PRPF39: variants seen among roughly 807,000 people sequenced by gnomAD.
The protein encoded by PRPF39 is pre-mRNA-processing factor 39.
Under a neutral mutation model 82.1 loss-of-function variants are expected in PRPF39, and 27 were observed. The ratio of observed to expected loss-of-function variants is 0.33; its 90% CI spans 0.24 to 0.45. PRPF39 has a LOEUF of 0.45. Among genes scored for constraint, PRPF39 ranks in the 20% least tolerant of loss-of-function variants. PRPF39 has a pLI of 1.00. For missense variants in PRPF39, 581 were observed against 796.9 expected, an observed-to-expected ratio of 0.73 and a Z score of 3.26; for synonymous variants, 261 against 256.4, an observed-to-expected ratio of 1.02 and a Z score of -0.17.
intron 5 of PRPF39, among the ~76,000 whole-genome samples, chr14:45,103,434 A>C (rs1041060300): frequency 6.6e-6 from 1 of 152,018 alleles, no homozygotes; most frequent in African/African-American, 2.4e-5. Flanking sequence ...GTATTGTATA[A>C]ACTTAGTATT....
intron 13 of PRPF39, 106 bp from the exon 14 acceptor site, chr14:45,114,751 G>A: frequency 7.3e-7 from 1 of 1,374,990 alleles, no homozygotes; most frequent in Non-Finnish European, 1.0e-6. Flanking sequence ...AATTTTAGCA[G>A]TGAACACTTG....
intron 1 of PRPF39, among the ~76,000 whole-genome samples, chr14:45,085,706 A>G (rs1181263788): frequency 6.6e-6 from 1 of 152,154 alleles, no homozygotes; most frequent in Non-Finnish European, 1.5e-5. Flanking sequence ...GCCCTTAAAA[A>G]CAGCTGCCAA....
intron 1 of PRPF39, among the ~76,000 whole-genome samples, chr14:45,091,336 C>T (rs1224735879): frequency 6.6e-6 from 1 of 152,134 alleles, no homozygotes; most frequent in Admixed American, 6.6e-5. Context: ...GTGATGGAAT[C>T]TCACTTTGTT....
At position 45,110,324 on chromosome 14, in the gene PRPF39, A is replaced by G; in HGVS notation, c.1303+104A>G. The G allele has an allele frequency of 6.8e-7, 1 of 1,460,522 alleles. No individual in the cohort carries two copies. Among genetic ancestry groups the G allele is most frequent in the Admixed American group, 2.3e-5 (1 of 43,552 alleles). The allele number at this position is 1,460,522 out of a possible 1,614,324, so 90.5% of individuals were successfully genotyped here. The stretch of plus-strand genomic sequence containing the variant: ...GATGGTGTAAAGCAGAGTTTGGCAA[A>G]CTTTTTCTCTAAAGGGCCAGATAGT... On this transcript the variant is annotated intron_variant, in intron 9 of 13. Coordinates refer to ENST00000355765, the MANE Select transcript of PRPF39 (RefSeq NM_017922.4). The surrounding 1 kb of genome is among the most constrained non-coding windows in gnomAD (Gnocchi z 4.0).
In PRPF39 at chr14:45,103,010, G is replaced by C. The variant is rs1257651503; in HGVS notation, c.737+314G>C. Among the ~76,000 whole-genome samples, 4 of 152,176 alleles carry C rather than the reference G, an allele frequency of 2.6e-5. No individual in the cohort carries two copies. In the East Asian group the frequency reaches 5.8e-4, roughly 22 times the overall value. The stretch of plus-strand genomic sequence containing the variant: ...AATGAGAAAATAGTACCTAAGTTGA[G>C]TTATTTATTTATGGCATTAAATTGA... On this transcript the variant is annotated intron_variant, in intron 5 of 13. Transcript: ENST00000355765.
chr14:45,095,342 A>G lies in PRPF39; in HGVS notation c.103A>G (p.Ile35Val). 6.2e-7 allele frequency: 1 copy of G among 1,613,558 alleles called. No individual in the cohort carries two copies. Among genetic ancestry groups the G allele is most frequent in the Non-Finnish European group, 8.5e-7 (1 of 1,179,478 alleles). Residue 35 changes from isoleucine to valine, a missense_variant, in exon 2 of 14, where the codon ATT becomes GTT. Transcript: ENST00000355765. Reference protein sequence around the residue: ...VEHPTDFSTEIMNVTEMEQSP... With the variant: ...VEHPTDFSTEVMNVTEMEQSP... ...ACATCCTACTGATTTCAGTACTGAGATTATGAACGTTACAGAAATGGAACA... is the reference window on the plus strand; with the variant it reads ...ACATCCTACTGATTTCAGTACTGAGGTTATGAACGTTACAGAAATGGAACA...
rs1478240500 is a variant in PRPF39, at chr14:45,108,277, A to C, written c.904-138A>C. The C allele has an allele frequency of 1.3e-5, 13 of 986,456 alleles. No individual in the cohort carries two copies. In the Admixed American group the frequency reaches 5.2e-4, roughly 40 times the overall value. The allele number at this position is 986,456 out of a possible 1,614,324, so 61.1% of individuals were successfully genotyped here. A position where few individuals can be genotyped will look rare whatever the true frequency, so the allele number is the denominator to read the frequency against. On this transcript the variant is annotated intron_variant, in intron 6 of 13. Transcript: ENST00000355765. ...TAGTGTTGTTAATTGGATTTTGCAC[A>C]TAATTGCCAACAGTTAAAAATCTAC...
intron 12 of PRPF39, 76 bp from the exon 13 acceptor site, chr14:45,114,418 C>T (rs1330945521): frequency 6.3e-6 from 9 of 1,433,228 alleles, no homozygotes; most frequent in Non-Finnish European, 7.5e-6. Context: ...AACAAATATA[C>T]AGATAACATT....
chr14:45,085,660 T>C (rs1482592633), intron 1 of PRPF39, among the ~76,000 whole-genome samples: 2 of 152,206 alleles, frequency 1.3e-5, no homozygotes, highest in African/African-American at 2.4e-5. Flanking sequence ...GTGTTTAATA[T>C]GTAGAGACTT....
rs373139010 is a variant in PRPF39 at position 45,092,589 on chromosome 14, A to C, written c.-19-2632A>C. Among the ~76,000 whole-genome samples the C allele has an allele frequency of 1.8e-3, 257 of 139,690 alleles. 1 individual carries two copies. Among genetic ancestry groups the C allele is most frequent in the African/African-American group, 6.9e-3 (250 of 35,996 alleles). The allele number at this position is 139,690 out of a possible 152,430, so 91.6% of individuals were successfully genotyped here. On this transcript the variant is annotated intron_variant, in intron 1 of 13. Transcript: ENST00000355765. Reference sequence around the variant, plus strand: ...GCACTCCCGCCTGGGTGACAGATCGAGACTCTGTCTCAAAAAAAAAAAAAA... The same window carrying C: ...GCACTCCCGCCTGGGTGACAGATCGCGACTCTGTCTCAAAAAAAAAAAAAA...
intron 1 of PRPF39, among the ~76,000 whole-genome samples, chr14:45,092,286 T>C (rs1422064262): frequency 1.3e-5 from 2 of 152,148 alleles, no homozygotes; most frequent in Non-Finnish European, 2.9e-5. Flanking sequence ...GCCAGATGAC[T>C]AGTGCAACTT....
intron 1 of PRPF39, among the ~76,000 whole-genome samples, chr14:45,090,444 C>T (rs1429225730): frequency 6.6e-6 from 1 of 151,848 alleles, no homozygotes; most frequent in Non-Finnish European, 1.5e-5. Flanking sequence ...TTGCTTTTAC[C>T]CTTCTACTTC....
chr14:45,111,708 A>G (rs1390095551), intron 10 of PRPF39, among the ~76,000 whole-genome samples: 1 of 131,236 alleles, frequency 7.6e-6, no homozygotes, highest in Non-Finnish European at 1.5e-5. Context: ...GCGTGATCTC[A>G]GCTCACTGCA....
intron 6 of PRPF39, among the ~76,000 whole-genome samples, chr14:45,107,948 T>C (rs1173673009): frequency 1.3e-5 from 2 of 151,786 alleles, no homozygotes; most frequent in African/African-American, 2.4e-5. Context: ...AAAAGGTCTT[T>C]AGTGCAGAAG....
Position 45,110,858 on chromosome 14 carries a change from A to C in PRPF39, c.1572+41A>C. 1 of 1,494,842 alleles carries C rather than the reference A, an allele frequency of 6.7e-7. No individual in the cohort carries two copies. The highest frequency in any genetic ancestry group is 1.3e-5 in the South Asian group (1 of 79,210). The allele number at this position is 1,494,842 out of a possible 1,614,324, so 92.6% of individuals were successfully genotyped here. A position where few individuals can be genotyped will look rare whatever the true frequency, so the allele number is the denominator to read the frequency against. ...TTTAAGAGTATCTTCTATTAAAAAA[A>C]CCAGTGGTCAGTGTATTTTCACTGT... On this transcript the variant is annotated intron_variant, in intron 10 of 13. Coordinates refer to ENST00000355765, the MANE Select transcript of PRPF39 (RefSeq NM_017922.4). The surrounding 1 kb of genome is among the most constrained non-coding windows in gnomAD (Gnocchi z 4.0).
At position 45,115,523 on chromosome 14, in the gene PRPF39, T is replaced by C. The variant is rs1424600548; in HGVS notation, c.*610T>C. On this transcript the variant is annotated 3_prime_UTR_variant, in exon 14 of 14. Coordinates refer to ENST00000355765, the MANE Select transcript of PRPF39 (RefSeq NM_017922.4). ...GGAGACTTTGTATTTAGAATATTCATGTAAAACTTGTGAACAAGCTTTCAT... is the reference window on the plus strand; with the variant it reads ...GGAGACTTTGTATTTAGAATATTCACGTAAAACTTGTGAACAAGCTTTCAT... 1.3e-5 allele frequency: 2 copies of C among 152,636 alleles called. No homozygotes were observed. Among genetic ancestry groups the C allele is most frequent in the African/African-American group, 4.8e-5 (2 of 41,450 alleles). 9.5% of individuals were successfully genotyped at this position (152,636 alleles called of 1,614,324 possible). A position where few individuals can be genotyped will look rare whatever the true frequency, so the allele number is the denominator to read the frequency against.
rs1454388886 is a variant in PRPF39 at position 45,110,555 on chromosome 14, T to C, written c.1310T>C (p.Ile437Thr). The C allele has an allele frequency of 6.4e-7, 1 of 1,557,792 alleles. No individual in the cohort carries two copies. The highest frequency in any genetic ancestry group is 1.9e-5 in the Admixed American group (1 of 51,672). Residue 437 changes from isoleucine to threonine, a missense_variant, in exon 10 of 14, where the codon ATT (isoleucine) becomes ACT (threonine). Transcript: ENST00000355765. The surrounding 1 kb of genome is among the most constrained non-coding windows in gnomAD (Gnocchi z 4.0). ...ATTTAATTACTGTTTCTAGGTAATA[T>C]TAATGAAGCCAGGAATATCTTGAAA... is the stretch of plus-strand genomic sequence containing the variant. ...WAAFEEQQGN[I>T]NEARNILKTF...
chr14:45,095,755 G>T, intron 2 of PRPF39, 192 bp downstream of exon 2: 1 of 726,562 alleles, frequency 1.4e-6, no homozygotes, highest in Non-Finnish European at 2.1e-6. Context: ...AGAGTCAGTA[G>T]TGTCAAAGCT....
chr14:45,088,859 A>C (rs1252267676), intron 1 of PRPF39, among the ~76,000 whole-genome samples: 1 of 152,208 alleles, frequency 6.6e-6, no homozygotes, highest in East Asian at 1.9e-4. Context: ...GTGTCATAAA[A>C]CCATATACTT....
Sources: allele counts gnomAD v4.1 joint callset (sites outside exome capture counted in the v4.1 genomes callset), GRCh38; gene constraint gnomAD v4.1.1; non-coding constraint Gnocchi (gnomAD v3.1); transcripts MANE v1.5; gene names NCBI Gene and HGNC (gene_info 2026-07-23, HGNC 2026-07-21).